The following TM4SF18 variants were observed in gnomAD, a reference collection of about 807,000 sequenced individuals.
The protein encoded by TM4SF18 is transmembrane 4 L six family member 18, also known as transmembrane 4 L6 family member 18.
A neutral mutation model predicts 23.8 loss-of-function variants in TM4SF18; 22 were observed. That is an observed-to-expected ratio of 0.92 (90% CI 0.66 to 1.32). The LOEUF (loss-of-function observed/expected upper bound fraction) is 1.32. TM4SF18 is among the 40% of genes most tolerant of loss of function. TM4SF18 has a pLI of 0.00. For missense variants in TM4SF18, 255 were observed against 240.3 expected (o/e 1.06, Z -0.41); for synonymous variants, 87 against 87.9 (o/e 0.99, Z 0.06).
chr3:149,327,682 G>A (rs1273573258), intron 3 of TM4SF18, among the ~76,000 whole-genome samples: 3 of 151,998 alleles, frequency 2.0e-5, no homozygotes, highest in Non-Finnish European at 4.4e-5. Context: ...TGTGATTTTA[G>A]GAATAAAAAT....
intron 2 of TM4SF18, among the ~76,000 whole-genome samples, chr3:149,331,863 C>T (rs1475608659): frequency 2.0e-5 from 3 of 152,166 alleles, no homozygotes; most frequent in Admixed American, 1.3e-4. Flanking sequence ...GCATTTTCCA[C>T]GTTGTTACAT....
chr3:149,327,930 A>G (rs555372913), intron 3 of TM4SF18, among the ~76,000 whole-genome samples: 1 of 152,340 alleles, frequency 6.6e-6, no homozygotes, highest in African/African-American at 2.4e-5. Flanking sequence ...AAGAATTTGA[A>G]TCATAGTTTT....
chr3:149,330,551 C>T, intron 2 of TM4SF18, 132 bp from the exon 3 acceptor site: 2 of 562,218 alleles, frequency 3.6e-6, no homozygotes, highest in Non-Finnish European at 6.3e-6. Context: ...AGCTCTGTCA[C>T]TTTCTAGCTG....
At chr3:149,333,482 C>CTTTTTT (rs1553772228) in intron 1 of TM4SF18, 31 bp downstream of exon 1, 783 of 236,950 alleles carry the variant, frequency 3.3e-3, no homozygotes, top group Non-Finnish European at 3.7e-3. Flanking sequence ...CTCTCTCTCT[C>CTTTTTT]TTTTTTTTTT....
intron 2 of TM4SF18, among the ~76,000 whole-genome samples, chr3:149,332,020 G>A (rs1322090799): frequency 6.6e-6 from 1 of 152,066 alleles, no homozygotes; most frequent in African/African-American, 2.4e-5. Flanking sequence ...CCTTATTTTG[G>A]ATGATTTCCT....
chr3:149,324,229 C>T (rs1466171743), intron 4 of TM4SF18, among the ~76,000 whole-genome samples: 3 of 152,122 alleles, frequency 2.0e-5, no homozygotes, highest in Admixed American at 6.6e-5. Flanking sequence ...TTCTGAGATC[C>T]GGGATTGGGT....
rs1210805030 is a variant in TM4SF18 at position 149,324,944 on chromosome 3, C to T, written c.346G>A (p.Val116Ile). 2 of 1,614,110 alleles carry T rather than the reference C, an allele frequency of 1.2e-6. No individual in the cohort carries two copies. Among genetic ancestry groups the T allele is most frequent in the African/African-American group, 1.3e-5 (1 of 75,012 alleles). ...AGGGTGCGGCAATATGGCCCTTGGA[C>T]AAGACCCAAGGCAGAGATGACCAGG... Reference protein sequence around the residue: ...YCLVISALGLVQGPYCRTLDG... With the variant: ...YCLVISALGLIQGPYCRTLDG... Residue 116 changes from valine to isoleucine, a missense_variant, in exon 4 of 6, where the codon GTC becomes ATC. Coordinates refer to ENST00000296059, the MANE Select transcript of TM4SF18 (RefSeq NM_138786.4).
In TM4SF18 at chr3:149,321,260, C is replaced by T. The variant is rs1453827580; in HGVS notation, c.*218G>A. ...GAAATGGATTTGTTTGATCAAAGGG[C>T]AGAAGTATTTCTGAAGTTTCTGATG... On this transcript the variant is annotated 3_prime_UTR_variant, in exon 6 of 6. Transcript: ENST00000296059. The T allele has an allele frequency of 5.1e-6, 2 of 392,000 alleles. No individual in the cohort carries two copies. The highest frequency in any genetic ancestry group is 9.4e-6 in the Non-Finnish European group (2 of 212,146). 24.3% of individuals were successfully genotyped at this position (392,000 alleles called of 1,614,324 possible). A position where few individuals can be genotyped will look rare whatever the true frequency, so the allele number is the denominator to read the frequency against.
At chr3:149,326,038 T>A (rs1476392024) in intron 3 of TM4SF18, among the ~76,000 whole-genome samples, 2 of 152,184 alleles carry the variant, frequency 1.3e-5, no homozygotes, top group Non-Finnish European at 2.9e-5. Context: ...GTGTTTTTGT[T>A]ACTGAGCCAT....
At chr3:149,322,917 T>C in intron 4 of TM4SF18, among the ~76,000 whole-genome samples, 1 of 151,142 alleles carries the variant, frequency 6.6e-6, no homozygotes, top group East Asian at 1.9e-4. Context: ...TTTTTTTTTT[T>C]TTTTGAGACG....
chr3:149,330,274 A>G, intron 3 of TM4SF18, 56 bp downstream of exon 3: 1 of 1,194,606 alleles, frequency 8.4e-7, no homozygotes, highest in African/African-American at 1.5e-5. Context: ...TTTCTGAGTG[A>G]GAGGAAAGAA....
rs74464774 is a variant in TM4SF18, at chr3:149,322,237, G to A, written c.591+19C>T. 0.1 allele frequency: 166,555 copies of A among 1,594,952 alleles called. 9,335 individuals carry two copies. The highest frequency in any genetic ancestry group is 0.16 in the Middle Eastern group (947 of 5,976). On this transcript the variant is annotated intron_variant, in intron 5 of 5. Coordinates refer to ENST00000296059, the MANE Select transcript of TM4SF18 (RefSeq NM_138786.4). The stretch of plus-strand genomic sequence containing the variant: ...GGGGAAATATGGATGAGCTACAGGT[G>A]CCCATGAGAATCTGTTACCTGGAAG...
intron 3 of TM4SF18, among the ~76,000 whole-genome samples, chr3:149,326,139 A>AT (rs568243168): frequency 2.6e-3 from 401 of 152,146 alleles, no homozygotes; most frequent in African/African-American, 9.0e-3. Flanking sequence ...TAACTTTTAA[A>AT]TTTTTTTTGT....
At chr3:149,327,092 G>A (rs1730967534) in intron 3 of TM4SF18, among the ~76,000 whole-genome samples, 1 of 152,186 alleles carries the variant, frequency 6.6e-6, no homozygotes. Context: ...TGGGACTACA[G>A]GCACGTGCCG....
rs1191709386 is a variant in TM4SF18 at position 149,322,399 on chromosome 3, C to A, written c.448G>T (p.Glu150Ter). Residue 150 changes from glutamate to a stop codon, truncating the protein, a stop_gained, in exon 5 of 6, where the codon GAA (glutamate) becomes TAA (stop). Coordinates refer to ENST00000296059, the MANE Select transcript of TM4SF18 (RefSeq NM_138786.4). LOFTEE classifies it high-confidence loss of function. ...TDSSIWIQCL[E>*]PAHVVEWNII... ...TTCCACTCCACAACATGTGCAGGTT[C>A]CAGGCACTGAATCCATATGCTAGAA... The A allele has an allele frequency of 5.0e-6, 8 of 1,613,880 alleles. No individual in the cohort carries two copies. The highest frequency in any genetic ancestry group is 5.9e-6 in the Non-Finnish European group (7 of 1,179,984).
rs1559993033 is a variant in TM4SF18 at position 149,333,412 on chromosome 3, T to G, written c.-17-13A>C. 6.4e-7 allele frequency: 1 copy of G among 1,573,482 alleles called. No individual in the cohort carries two copies. Among genetic ancestry groups the G allele is most frequent in the Non-Finnish European group, 8.6e-7 (1 of 1,156,588 alleles). ...CCCTGCTTAGAACCTGCGGGAGATT[T>G]CAAGAGTATACAGTCACAGAAAGTC... On this transcript the variant is annotated splice_polypyrimidine_tract_variant and intron_variant, in intron 1 of 5. Transcript: ENST00000296059.
chr3:149,330,982 A>G (rs931174506), intron 2 of TM4SF18, among the ~76,000 whole-genome samples: 2 of 152,216 alleles, frequency 1.3e-5, no homozygotes, highest in Non-Finnish European at 2.9e-5. Flanking sequence ...TCAAGCCAAC[A>G]AAGTGGGAGA....
intron 3 of TM4SF18, among the ~76,000 whole-genome samples, chr3:149,325,510 T>C (rs896036478): frequency 6.6e-6 from 1 of 152,146 alleles, no homozygotes; most frequent in East Asian, 1.9e-4. Context: ...CAAGTGACGA[T>C]AGGATTGATG....
chr3:149,321,145 T>A lies in TM4SF18; in HGVS notation c.*333A>T, dbSNP rs1211860374. The stretch of plus-strand genomic sequence containing the variant: ...GTTTAGAATTTTGGGGTGTTTCCAA[T>A]TTTCCAGAATATTAAATAATGTTGC... On this transcript the variant is annotated 3_prime_UTR_variant, in exon 6 of 6. Coordinates refer to ENST00000296059, the MANE Select transcript of TM4SF18 (RefSeq NM_138786.4). 5.4e-6 allele frequency: 1 copy of A among 185,288 alleles called. No individual in the cohort carries two copies. Among genetic ancestry groups the A allele is most frequent in the African/African-American group, 2.3e-5 (1 of 43,058 alleles). 11.5% of individuals were successfully genotyped at this position (185,288 alleles called of 1,614,324 possible).
Sources: allele counts gnomAD v4.1 joint callset (sites outside exome capture counted in the v4.1 genomes callset), GRCh38; gene constraint gnomAD v4.1.1; transcripts MANE v1.5; gene names NCBI Gene and HGNC (gene_info 2026-07-23, HGNC 2026-07-21).